The following PIWIL4 variants were observed in gnomAD, a reference collection of about 807,000 sequenced individuals.
PIWIL4 encodes the protein piwi-like protein 4.
PIWIL4 carries 50 observed loss-of-function variants against 100.9 expected under a neutral mutation model. The observed-to-expected ratio is 0.50, with a 90% CI of 0.39 to 0.63. PIWIL4 has a LOEUF of 0.63. Ranked by LOEUF, PIWIL4 falls within the 20% of genes least tolerant of loss-of-function variation. The probability of loss-of-function intolerance (pLI) is 0.00; values close to 1 mark genes in which losing one functional copy is unlikely to be tolerated. For missense variants in PIWIL4, 887 were observed against 1,043.3 expected, an observed-to-expected ratio of 0.85 and a Z score of 2.06; for synonymous variants, 342 against 367.5, an observed-to-expected ratio of 0.93 and a Z score of 0.79.
chr11:94,598,859 C>A (rs1283798096), intron 11 of PIWIL4, among the ~76,000 whole-genome samples: 1 of 152,022 alleles, frequency 6.6e-6, no homozygotes, highest in Admixed American at 6.6e-5. Context: ...AGGCGTGCGC[C>A]ACCATGCTCA....
chr11:94,572,194 T>C (rs1948164742), intron 2 of PIWIL4, among the ~76,000 whole-genome samples: 1 of 152,262 alleles, frequency 6.6e-6, no homozygotes, highest in East Asian at 1.9e-4. Flanking sequence ...AGTAGCCCTT[T>C]GTCAGATGGG....
chr11:94,574,715 C>T (rs968019102), intron 2 of PIWIL4, among the ~76,000 whole-genome samples: 2 of 152,246 alleles, frequency 1.3e-5, no homozygotes, highest in South Asian at 4.1e-4. Context: ...CTCCTGAGCT[C>T]AAGCGATCCG....
rs1173603785 is a variant in PIWIL4 at position 94,570,914 on chromosome 11, C to CA, written c.166+2109dup. On this transcript the variant is annotated intron_variant, in intron 2 of 19. Coordinates refer to ENST00000299001, the MANE Select transcript of PIWIL4 (RefSeq NM_152431.3). The stretch of plus-strand genomic sequence containing the variant: ...TCTCAAAAACAAAAACAAAAACAAA[C>CA]AAACAAAAAAAACAATTTAGTCATC... 5.3e-5 allele frequency among the ~76,000 whole-genome samples: 8 copies of CA among 151,884 alleles called. No individual in the cohort carries two copies. The East Asian group carries it at 1.5e-3, about 29-fold the overall frequency.
Position 94,577,261 on chromosome 11 carries a change from T to C in PIWIL4, c.299-17T>C, listed in dbSNP as rs1948250776. 6.3e-7 allele frequency: 1 copy of C among 1,588,226 alleles called. No individual in the cohort carries two copies. ...GATTTCCTGATTAAAAAATTGTTTT[T>C]TGTTTGTCTTCTTCAGGTTCCAGTG... On this transcript the variant is annotated splice_polypyrimidine_tract_variant and intron_variant, in intron 3 of 19. Coordinates refer to ENST00000299001, the MANE Select transcript of PIWIL4 (RefSeq NM_152431.3).
chr11:94,601,820 G>T lies in PIWIL4; in HGVS notation c.1406G>T (p.Trp469Leu). 1.9e-6 allele frequency: 3 copies of T among 1,613,926 alleles called. No individual in the cohort carries two copies. Among genetic ancestry groups the T allele is most frequent in the Non-Finnish European group, 2.5e-6 (3 of 1,179,900 alleles). ...TGTCAACCTGTGTCTGCTGCTGACTGGTCCAAGGATATTCGAACTTGCAAG... is the reference window on the plus strand; with the variant it reads ...TGTCAACCTGTGTCTGCTGCTGACTTGTCCAAGGATATTCGAACTTGCAAG... ...HICQPVSAAD[W>L]SKDIRTCKIL... Residue 469 changes from tryptophan to leucine, a missense_variant, in exon 12 of 20, where the codon TGG (tryptophan) becomes TTG (leucine). Around this residue, in one of 2 missense-constraint regions of PIWIL4, gnomAD observed 741 missense variants for 930.0 expected, o/e 0.80. Coordinates refer to ENST00000299001, the MANE Select transcript of PIWIL4 (RefSeq NM_152431.3).
At chr11:94,611,635 A>G (rs1053722461) in intron 15 of PIWIL4, among the ~76,000 whole-genome samples, 1 of 152,142 alleles carries the variant, frequency 6.6e-6, no homozygotes, top group Non-Finnish European at 1.5e-5. Flanking sequence ...TCATGGGGGT[A>G]GATTGCCCTC....
At chr11:94,575,515 G>T (rs934279916) in intron 3 of PIWIL4, among the ~76,000 whole-genome samples, 1 of 152,182 alleles carries the variant, frequency 6.6e-6, no homozygotes, top group African/African-American at 2.4e-5. Flanking sequence ...AAAATTGCAT[G>T]CAAATTGTCA....
At chr11:94,607,694 T>C in intron 14 of PIWIL4, 55 bp downstream of exon 14, 2 of 1,497,612 alleles carry the variant, frequency 1.3e-6, no homozygotes, top group Non-Finnish European at 1.8e-6. Context: ...ATTTTAAAGA[T>C]TAAAGTAGGA....
chr11:94,604,919 G>A (rs573858743), intron 13 of PIWIL4, among the ~76,000 whole-genome samples: 1 of 152,114 alleles, frequency 6.6e-6, no homozygotes, highest in Non-Finnish European at 1.5e-5. Flanking sequence ...CTCACCCTAA[G>A]AGCATTTATT....
intron 8 of PIWIL4, among the ~76,000 whole-genome samples, chr11:94,592,899 C>CTACT (rs1305714160): frequency 6.6e-6 from 1 of 152,146 alleles, no homozygotes; most frequent in African/African-American, 2.4e-5. Flanking sequence ...TACCTGTGAG[C>CTACT]TACTGTTATC....
At chr11:94,597,685 A>G in intron 10 of PIWIL4, 119 bp from the exon 11 acceptor site, 1 of 665,902 alleles carries the variant, frequency 1.5e-6, no homozygotes, top group Non-Finnish European at 2.5e-6. Flanking sequence ...GCAGGGAAAA[A>G]ATATGCTGAG....
At chr11:94,616,719 A>T (rs1465517087) in intron 16 of PIWIL4, among the ~76,000 whole-genome samples, 156 bp downstream of exon 16, 1 of 152,184 alleles carries the variant, frequency 6.6e-6, no homozygotes, top group East Asian at 1.9e-4. Flanking sequence ...CTGCATGCCG[A>T]TTTAGGCCAA....
chr11:94,587,109 T>G lies in PIWIL4; in HGVS notation c.776T>G (p.Phe259Cys). The change falls in exon 7 of 20, where the codon TTT (phenylalanine) becomes TGT (cysteine). Residue 259 changes from phenylalanine to cysteine, a missense_variant. Physicochemically the swap from Phe to Cys is radical, Grantham distance 205 (BLOSUM62 -2). Around this residue, in one of 2 missense-constraint regions of PIWIL4, gnomAD observed 741 missense variants for 930.0 expected, o/e 0.80. Coordinates refer to ENST00000299001, the MANE Select transcript of PIWIL4 (RefSeq NM_152431.3). ...TCATATTTTGAAAGGAAGCTCCTGTTTAGTGCTGATGTGAGTTACAAAGTC... is the reference window on the plus strand; with the variant it reads ...TCATATTTTGAAAGGAAGCTCCTGTGTAGTGCTGATGTGAGTTACAAAGTC... ...SVSYFERKLL[F>C]SADVSYKVLR... 1 of 1,614,030 alleles carries G rather than the reference T, an allele frequency of 6.2e-7. No individual in the cohort carries two copies. Among genetic ancestry groups the G allele is most frequent in the Non-Finnish European group, 8.5e-7 (1 of 1,179,938 alleles).
chr11:94,601,391 CA>C (rs1948639091), intron 11 of PIWIL4, among the ~76,000 whole-genome samples: 1 of 152,116 alleles, frequency 6.6e-6, no homozygotes, highest in Non-Finnish European at 1.5e-5. Flanking sequence ...TATTGATAAT[CA>C]GCATTCTCTG....
intron 11 of PIWIL4, among the ~76,000 whole-genome samples, chr11:94,599,273 A>T (rs1948603079): frequency 6.6e-6 from 1 of 152,072 alleles, no homozygotes; most frequent in Admixed American, 6.6e-5. Flanking sequence ...ATTTTTATGT[A>T]TTTGTTTGCA....
At chr11:94,605,479 A>G (rs1023225437) in intron 13 of PIWIL4, among the ~76,000 whole-genome samples, 5 of 152,192 alleles carry the variant, frequency 3.3e-5, no homozygotes. Flanking sequence ...ACTCCACTGT[A>G]TGGTGGATTA....
At chr11:94,571,554 G>T (rs1948155220) in intron 2 of PIWIL4, among the ~76,000 whole-genome samples, 1 of 152,042 alleles carries the variant, frequency 6.6e-6, no homozygotes. Flanking sequence ...TCTGTCCTTG[G>T]GATAGTTTGC....
chr11:94,613,972 C>T (rs556665611), intron 15 of PIWIL4, among the ~76,000 whole-genome samples: 1 of 152,240 alleles, frequency 6.6e-6, no homozygotes, highest in Non-Finnish European at 1.5e-5. Flanking sequence ...CTGTGTTGGT[C>T]AGGCTAGTCT....
chr11:94,585,858 A>G (rs552580152), intron 6 of PIWIL4, among the ~76,000 whole-genome samples: 42 of 152,202 alleles, frequency 2.8e-4, no homozygotes, highest in Non-Finnish European at 4.9e-4. Context: ...AGTGGTTGAC[A>G]TGAAATTGGC....
Sources: gnomAD v4.1 joint callset for allele counts (sites outside exome capture counted in the v4.1 genomes callset) on GRCh38, gnomAD v4.1.1 for gene constraint, gnomAD v4.1.1 regional missense constraint, MANE v1.5 for transcripts, NCBI Gene and HGNC (gene_info 2026-07-23, HGNC 2026-07-21) for gene names.